ZW10: variants seen among roughly 807,000 people sequenced by gnomAD.
ZW10 encodes the protein centromere/kinetochore protein zw10 homolog.
Under a neutral mutation model 87.8 loss-of-function variants are expected in ZW10, and 53 were observed. That is an observed-to-expected ratio of 0.60 (90% CI 0.48 to 0.76). The LOEUF (loss-of-function observed/expected upper bound fraction) is 0.76, where lower values mean the gene tolerates loss of function less well. Among genes scored for constraint, ZW10 ranks in the 30% least tolerant of loss-of-function variants. The pLI is 0.00. For synonymous variants in ZW10, 312 were observed against 329.2 expected (o/e 0.95, Z 0.57); for missense variants, 837 against 923.0 (o/e 0.91, Z 1.21).
chr11:113,760,391 G>A, intron 4 of ZW10, 23 bp from the exon 5 acceptor site: 1 of 1,612,264 alleles, frequency 6.2e-7, no homozygotes. Flanking sequence ...TGGAATCACT[G>A]TTAAACATTC....
At chr11:113,741,592 A>G (rs1303520861) in intron 11 of ZW10, 102 bp downstream of exon 11, 1 of 720,828 alleles carries the variant, frequency 1.4e-6, no homozygotes, top group Non-Finnish European at 2.1e-6. Flanking sequence ...ATGTTAGTAA[A>G]CAAAATATCT....
intron 13 of ZW10, among the ~76,000 whole-genome samples, chr11:113,738,035 G>A (rs1003852433): frequency 6.6e-6 from 1 of 151,848 alleles, no homozygotes; most frequent in Admixed American, 6.6e-5. Flanking sequence ...TAGGTAACAA[G>A]TTGCAATTAT....
intron 7 of ZW10, among the ~76,000 whole-genome samples, chr11:113,755,540 A>G (rs746253407): frequency 6.6e-6 from 1 of 152,230 alleles, no homozygotes; most frequent in Non-Finnish European, 1.5e-5. Context: ...GCTGGTGAAG[A>G]TGCTGTGAAC....
At position 113,760,198 on chromosome 11, in the gene ZW10, G is replaced by A; in HGVS notation, c.580+11C>T. ...GATGAAGCAAAGCAGTCCACCTGAG[G>A]TCAGCAGCACCTTTTGATGGTGGGA... On this transcript the variant is annotated intron_variant, in intron 5 of 15. Coordinates refer to ENST00000200135, the MANE Select transcript of ZW10 (RefSeq NM_004724.4). 1 of 1,612,448 alleles carries A rather than the reference G, an allele frequency of 6.2e-7. No homozygotes were observed. The highest frequency in any genetic ancestry group is 8.5e-7 in the Non-Finnish European group (1 of 1,179,420).
chr11:113,767,249 A>G (rs1482623394), intron 2 of ZW10, among the ~76,000 whole-genome samples: 2 of 150,098 alleles, frequency 1.3e-5, no homozygotes, highest in African/African-American at 4.9e-5. Flanking sequence ...ATTTTTTTTT[A>G]CAACAGTCTA....
rs374339388 is a variant in ZW10 at position 113,743,945 on chromosome 11, G to A, written c.1368C>T (p.His456=). 5 of 1,614,174 alleles carry A rather than the reference G, an allele frequency of 3.1e-6. No homozygotes were observed. The highest frequency in any genetic ancestry group is 4.2e-6 in the Non-Finnish European group (5 of 1,180,026). Residue 456 remains histidine (H), a synonymous_variant, in exon 10 of 16, where the codon CAC becomes CAT. Coordinates refer to ENST00000200135, the MANE Select transcript of ZW10 (RefSeq NM_004724.4). ...EVQKVSNTQY[H]EVMNLEPENT... ...TTTCAGGCTCTAAATTCATCACTTC[G>A]TGGTACTGAGTATTGGATACTTTCT...
intron 1 of ZW10, chr11:113,771,215 A>T (rs1472287157): frequency 2.6e-5 from 4 of 152,336 alleles, no homozygotes; most frequent in African/African-American, 9.7e-5. Context: ...ACCTCAGGTT[A>T]TCTACCCACC....
intron 7 of ZW10, among the ~76,000 whole-genome samples, chr11:113,756,547 G>A (rs1040243247): frequency 4.6e-5 from 7 of 152,066 alleles, no homozygotes; most frequent in East Asian, 3.9e-4. Flanking sequence ...TGGCATTTTC[G>A]TAGTACTATT....
intron 2 of ZW10, among the ~76,000 whole-genome samples, chr11:113,765,369 C>T (rs1953899486): frequency 6.6e-6 from 1 of 152,180 alleles, no homozygotes; most frequent in Non-Finnish European, 1.5e-5. Flanking sequence ...ATATTTTAGC[C>T]TCCTTCACAG....
intron 7 of ZW10, among the ~76,000 whole-genome samples, chr11:113,757,363 T>C (rs945853361): frequency 3.3e-5 from 5 of 152,186 alleles, no homozygotes; most frequent in Admixed American, 6.5e-5. Flanking sequence ...CGAGTTCCAA[T>C]TTGTGACGGT....
Position 113,748,414 on chromosome 11 carries a change from G to A in ZW10, c.932C>T (p.Pro311Leu). ...EVLQKQLLDL[P>L]LDTDLENEKT... ...TTCATTTTCCAGGTCAGTGTCAAGT[G>A]GCAAATCTGAATTTTTTAAAAAAAG... Residue 311 changes from proline (P) to leucine (L), a missense_variant, in exon 8 of 16, where the codon CCA becomes CTA. Coordinates refer to ENST00000200135, the MANE Select transcript of ZW10 (RefSeq NM_004724.4). 1 of 1,576,980 alleles carries A rather than the reference G, an allele frequency of 6.3e-7. No individual in the cohort carries two copies. Among genetic ancestry groups the A allele is most frequent in the Admixed American group, 2.0e-5 (1 of 50,584 alleles).
chr11:113,763,228 G>T (rs1299942059), intron 2 of ZW10, among the ~76,000 whole-genome samples: 1 of 152,150 alleles, frequency 6.6e-6, no homozygotes, highest in Non-Finnish European at 1.5e-5. Context: ...AGTATTCCAT[G>T]GTGTATATGT....
At chr11:113,761,582 GA>G (rs1476766322) in intron 2 of ZW10, among the ~76,000 whole-genome samples, 1 of 152,088 alleles carries the variant, frequency 6.6e-6, no homozygotes, top group African/African-American at 2.4e-5. Context: ...CACCCTGTCA[GA>G]AAGATTTAAT....
At chr11:113,773,520 C>A in intron 1 of ZW10, 42 bp downstream of exon 1, 1 of 1,560,748 alleles carries the variant, frequency 6.4e-7, no homozygotes, top group Non-Finnish European at 8.8e-7. Context: ...CACAAGGACC[C>A]GGAGTCCCCT....
intron 9 of ZW10, among the ~76,000 whole-genome samples, chr11:113,745,301 T>TA (rs752867760): frequency 0.012 from 1,734 of 140,600 alleles, 18 homozygotes; most frequent in African/African-American, 0.03. Flanking sequence ...CTTCAGGGAT[T>TA]AAAAAAAAAA....
chr11:113,767,315 G>T (rs1221816689), intron 2 of ZW10, among the ~76,000 whole-genome samples: 3 of 151,610 alleles, frequency 2.0e-5, no homozygotes, highest in Non-Finnish European at 4.4e-5. Flanking sequence ...TACCCCATAG[G>T]CACCTTAAAT....
In ZW10 at chr11:113,764,042, T is replaced by TGTAA. The variant is rs1206614948; in HGVS notation, c.241-3128_241-3125dup. 2.0e-5 allele frequency among the ~76,000 whole-genome samples: 3 copies of TGTAA among 152,214 alleles called. No homozygotes were observed. In the East Asian group the frequency reaches 5.8e-4, roughly 29 times the overall value. ...ATCTTGAGTTAATTTTTGTGTAAGG[T>TGTAA]GTAAGGAAGGGGTCCAGTTTCAGTT... On this transcript the variant is annotated intron_variant, in intron 2 of 15. Transcript: ENST00000200135.
In ZW10 at chr11:113,768,917, G is replaced by T; in HGVS notation, c.156C>A (p.Ser52Arg). The change falls in exon 2 of 16, where the codon AGC becomes AGA. Residue 52 changes from serine (S) to arginine (R), a missense_variant. Transcript: ENST00000200135. ...ISKKYSEFLP[S>R]MQSAQGLITQ... is the part of the protein sequence containing the mutation. ...TAATCAGGCCCTGCGCGCTCTGCAT[G>T]CTAGGCAGGAATTCACTGTACTTCT... The T allele has an allele frequency of 6.2e-7, 1 of 1,614,134 alleles. No individual in the cohort carries two copies. The highest frequency in any genetic ancestry group is 8.5e-7 in the Non-Finnish European group (1 of 1,179,984).
intron 1 of ZW10, among the ~76,000 whole-genome samples, chr11:113,772,860 G>A (rs1343661391): frequency 6.6e-6 from 1 of 150,804 alleles, no homozygotes; most frequent in Non-Finnish European, 1.5e-5. Context: ...GGTGGCACGC[G>A]CCTGTAATCT....
Sources: allele counts gnomAD v4.1 joint callset (sites outside exome capture counted in the v4.1 genomes callset), GRCh38; gene constraint gnomAD v4.1.1; transcripts MANE v1.5; gene names NCBI Gene and HGNC (gene_info 2026-07-23, HGNC 2026-07-21).